FAM241B: variants seen among roughly 807,000 people sequenced by gnomAD.
FAM241B encodes the protein protein FAM241B.
In FAM241B, 7 loss-of-function variants were observed where a neutral mutation model predicts 9.3. The observed-to-expected ratio is 0.75, with a 90% CI of 0.43 to 1.41. The LOEUF (loss-of-function observed/expected upper bound fraction) is 1.41. Ranked by LOEUF, FAM241B falls within the 40% of genes most tolerant of loss-of-function variation. The probability of loss-of-function intolerance (pLI) is 0.01; values close to 1 mark genes in which losing one functional copy is unlikely to be tolerated. For missense variants in FAM241B, 136 were observed against 159.6 expected (o/e 0.85, Z 0.80); for synonymous variants, 60 against 64.1 (o/e 0.94, Z 0.31).
At chr10:69,632,171 A>C (rs1839837040) in intron 3 of FAM241B, among the ~76,000 whole-genome samples, 1 of 152,114 alleles carries the variant, frequency 6.6e-6, no homozygotes, top group African/African-American at 2.4e-5. Flanking sequence ...TAATCATTTT[A>C]AAGGGGTGGC....
In FAM241B at chr10:69,633,225, G is replaced by A. The variant is rs2133259047; in HGVS notation, c.*166G>A. 6.9e-6 allele frequency: 7 copies of A among 1,021,572 alleles called. No homozygotes were observed. Among genetic ancestry groups the A allele is most frequent in the Middle Eastern group, 3.2e-4 (1 of 3,138 alleles). 63.3% of individuals were successfully genotyped at this position (1,021,572 alleles called of 1,614,324 possible). Reference sequence around the variant, plus strand: ...TGTTAAGCGTGAGGCAGAGGGAGACGTTAGTCCAGCATTTCCAAAGTGTGG... The same window carrying A: ...TGTTAAGCGTGAGGCAGAGGGAGACATTAGTCCAGCATTTCCAAAGTGTGG... On this transcript the variant is annotated 3_prime_UTR_variant, in exon 4 of 4. Transcript: ENST00000373279.
chr10:69,632,839 G>A lies in FAM241B; in HGVS notation c.146G>A (p.Arg49His), dbSNP rs201072929. 47 of 1,613,066 alleles carry A rather than the reference G, an allele frequency of 2.9e-5. No homozygotes were observed. In the East Asian group the frequency reaches 6.5e-4, roughly 22 times the overall value. ...HGAPPGGPGP[R>H]QQQAGARLGA... ...GCTCCCCCAGGGGGTCCTGGCCCCC[G>A]CCAGCAGCAGGCAGGTGCCAGGCTG... is the stretch of plus-strand genomic sequence containing the variant. Residue 49 changes from arginine to histidine, a missense_variant, in exon 4 of 4, where the codon CGC (arginine) becomes CAC (histidine). By Grantham distance (29) the Arg-to-His change is conservative. Transcript: ENST00000373279.
At position 69,633,463 on chromosome 10, in the gene FAM241B, G is replaced by A. The variant is rs917596212; in HGVS notation, c.*404G>A. 5.1e-6 allele frequency: 1 copy of A among 195,622 alleles called. No individual in the cohort carries two copies. The highest frequency in any genetic ancestry group is 1.0e-5 in the Non-Finnish European group (1 of 95,816). 12.1% of individuals were successfully genotyped at this position (195,622 alleles called of 1,614,324 possible). On this transcript the variant is annotated 3_prime_UTR_variant, in exon 4 of 4. Coordinates refer to ENST00000373279, the MANE Select transcript of FAM241B (RefSeq NM_145306.3). ...GCAGGACTTGGGCTTAGGGCAGGTG[G>A]AAAAAATTCCAGACTTTTTTAGCAC...
At chr10:69,631,624 A>G (rs1839821847) in intron 2 of FAM241B, 77 bp downstream of exon 2, 1 of 1,551,092 alleles carries the variant, frequency 6.4e-7, no homozygotes, top group Non-Finnish European at 8.7e-7. Flanking sequence ...GTCCCAGATC[A>G]CTAACAGCTA....
intron 1 of FAM241B, among the ~76,000 whole-genome samples, chr10:69,630,880 C>T (rs1458250845): frequency 6.6e-6 from 1 of 152,062 alleles, no homozygotes; most frequent in Non-Finnish European, 1.5e-5. Flanking sequence ...GAGGGGCGTG[C>T]CCTCTGCAGC....
intron 3 of FAM241B, 124 bp downstream of exon 3, chr10:69,631,963 C>CTGAGTAAGACT: frequency 7.4e-7 from 1 of 1,352,460 alleles, no homozygotes; most frequent in Non-Finnish European, 1.0e-6. Context: ...TTGCAGAGAG[C>CTGAGTAAGACT]TGGGGAAGAT....
chr10:69,632,457 C>CA (rs58019486), intron 3 of FAM241B, among the ~76,000 whole-genome samples: 1,247 of 108,734 alleles, frequency 0.011, 18 homozygotes, highest in African/African-American at 0.035. Flanking sequence ...GACTCCGTCT[C>CA]AAAAAAAAAA....
At chr10:69,631,894 T>C in intron 3 of FAM241B, 55 bp downstream of exon 3, 1 of 1,563,036 alleles carries the variant, frequency 6.4e-7, no homozygotes, top group Non-Finnish European at 8.7e-7. Context: ...TACTGGCTAC[T>C]CCTAGCTTCC....
At chr10:69,631,975 C>A in intron 3 of FAM241B, 136 bp downstream of exon 3, 1 of 396,486 alleles carries the variant, frequency 2.5e-6, no homozygotes, top group Admixed American at 6.3e-5. Flanking sequence ...GGGGAAGATG[C>A]AGTGGCTTAT....
At position 69,632,847 on chromosome 10, in the gene FAM241B, C is replaced by T; in HGVS notation, c.154C>T (p.Gln52Ter). 1 of 1,614,228 alleles carries T rather than the reference C, an allele frequency of 6.2e-7. No individual in the cohort carries two copies. Among genetic ancestry groups the T allele is most frequent in the Non-Finnish European group, 8.5e-7 (1 of 1,180,050 alleles). Residue 52 changes from glutamine to a stop codon, truncating the protein, a stop_gained, in exon 4 of 4, where the codon CAG becomes TAG. Coordinates refer to ENST00000373279, the MANE Select transcript of FAM241B (RefSeq NM_145306.3). LOFTEE classifies it high-confidence loss of function. Reference protein sequence around the residue: ...PPGGPGPRQQQAGARLGAAQS... With the variant: ...PPGGPGPRQQ ...AGGGGGTCCTGGCCCCCGCCAGCAG[C>T]AGGCAGGTGCCAGGCTGGGTGCTGC...
Position 69,630,465 on chromosome 10 carries a change from C to T in FAM241B, c.-104+152C>T, listed in dbSNP as rs573622418. Reference sequence around the variant, plus strand: ...AATGTCAGGTGCGCCGCGGGCCGGGCGCGCGGGTGGCCCACCGGGCGGGGG... The same window carrying T: ...AATGTCAGGTGCGCCGCGGGCCGGGTGCGCGGGTGGCCCACCGGGCGGGGG... On this transcript the variant is annotated intron_variant, in intron 1 of 3. Transcript: ENST00000373279. The T allele has an allele frequency of 4.2e-5, 9 of 213,144 alleles. No individual in the cohort carries two copies. In the South Asian group the frequency reaches 1.1e-3, roughly 25 times the overall value. The allele number at this position is 213,144 out of a possible 1,614,324, so 13.2% of individuals were successfully genotyped here.
At chr10:69,630,721 G>A in intron 1 of FAM241B, 1 of 1,248,404 alleles carries the variant, frequency 8.0e-7, no homozygotes, top group East Asian at 6.4e-5. Context: ...CTCAAGGGGA[G>A]GCGTGGAGGG....
In FAM241B at chr10:69,633,430, C is replaced by A; in HGVS notation, c.*371C>A. The A allele has an allele frequency of 3.7e-6, 1 of 270,336 alleles. No individual in the cohort carries two copies. The allele number at this position is 270,336 out of a possible 1,614,324, so 16.7% of individuals were successfully genotyped here. A position where few individuals can be genotyped will look rare whatever the true frequency, so the allele number is the denominator to read the frequency against. On this transcript the variant is annotated 3_prime_UTR_variant, in exon 4 of 4. Transcript: ENST00000373279. ...GGAAGACATGCCGACGTCTCCTCTG[C>A]CTAGGGAGCAGGACTTGGGCTTAGG...
chr10:69,631,603 T>G, intron 2 of FAM241B, 56 bp downstream of exon 2: 1 of 1,548,154 alleles, frequency 6.5e-7, no homozygotes, highest in Non-Finnish European at 8.7e-7. Flanking sequence ...CCACAGATCT[T>G]CACGAGTCTG....
At chr10:69,631,596 C>T (rs1378179022) in intron 2 of FAM241B, 49 bp downstream of exon 2, 1 of 1,547,360 alleles carries the variant, frequency 6.5e-7, no homozygotes, top group African/African-American at 1.4e-5. Context: ...AAATCCTCCA[C>T]AGATCTTCAC....
chr10:69,633,158 G>A lies in FAM241B; in HGVS notation c.*99G>A, dbSNP rs1839861686. On this transcript the variant is annotated 3_prime_UTR_variant, in exon 4 of 4. Coordinates refer to ENST00000373279, the MANE Select transcript of FAM241B (RefSeq NM_145306.3). ...GAGGGGATCTGGTGGTGCCTTGAAGGTATGATCAGAGAGGGGACCACAGGT... is the reference window on the plus strand; with the variant it reads ...GAGGGGATCTGGTGGTGCCTTGAAGATATGATCAGAGAGGGGACCACAGGT... 1.3e-6 allele frequency: 2 copies of A among 1,508,080 alleles called. No individual in the cohort carries two copies. Among genetic ancestry groups the A allele is most frequent in the Non-Finnish European group, 1.8e-6 (2 of 1,110,232 alleles). The allele number at this position is 1,508,080 out of a possible 1,614,324, so 93.4% of individuals were successfully genotyped here.
rs776464745 is a variant in FAM241B, at chr10:69,632,744, C to T, written c.97-46C>T. 2.3e-5 allele frequency: 37 copies of T among 1,589,370 alleles called. No individual in the cohort carries two copies. In the South Asian group the frequency reaches 3.2e-4, roughly 14 times the overall value. On this transcript the variant is annotated intron_variant, in intron 3 of 3. Coordinates refer to ENST00000373279, the MANE Select transcript of FAM241B (RefSeq NM_145306.3). ...TAGAGAGGTTGATTCCTGGCTGGTG[C>T]GTCAACCCAATGATTCATTCATCTC...
In FAM241B at chr10:69,632,913, A is replaced by G; in HGVS notation, c.220A>G (p.Met74Val). The change falls in exon 4 of 4, where the codon ATG (methionine) becomes GTG (valine). Residue 74 changes from methionine to valine, a missense_variant. Physicochemically the swap from Met to Val is conservative, Grantham distance 21. Coordinates refer to ENST00000373279, the MANE Select transcript of FAM241B (RefSeq NM_145306.3). ...FNDLNRQLVNMGFPQWHLGNH... is the reference protein window; with the variant it reads ...FNDLNRQLVNVGFPQWHLGNH... The stretch of plus-strand genomic sequence containing the variant: ...TGACCTCAACCGGCAGCTGGTGAAC[A>G]TGGGCTTTCCGCAGTGGCATCTTGG... The G allele has an allele frequency of 6.2e-7, 1 of 1,614,168 alleles. No homozygotes were observed. The highest frequency in any genetic ancestry group is 8.5e-7 in the Non-Finnish European group (1 of 1,180,028).
rs1365816403 is a variant in FAM241B at position 69,630,320 on chromosome 10, C to G, written c.-104+7C>G. 6.5e-6 allele frequency: 1 copy of G among 152,724 alleles called. No homozygotes were observed. The highest frequency in any genetic ancestry group is 1.5e-5 in the Non-Finnish European group (1 of 68,498). 9.5% of individuals were successfully genotyped at this position (152,724 alleles called of 1,614,324 possible). The stretch of plus-strand genomic sequence containing the variant: ...CCCGGAGTCGCGCCTGCAGGTGAGT[C>G]GCCGCGCCGGGGAGGGAGCGCATCC... On this transcript the variant is annotated splice_region_variant and intron_variant, in intron 1 of 3. Coordinates refer to ENST00000373279, the MANE Select transcript of FAM241B (RefSeq NM_145306.3).
Sources: allele counts gnomAD v4.1 joint callset (sites outside exome capture counted in the v4.1 genomes callset), GRCh38; gene constraint gnomAD v4.1.1; transcripts MANE v1.5; gene names NCBI Gene and HGNC (gene_info 2026-07-23, HGNC 2026-07-21).